THSD7B: variants seen among roughly 807,000 people sequenced by gnomAD.
THSD7B encodes thrombospondin type 1 domain containing 7B, also known as thrombospondin type-1 domain-containing protein 7B.
In THSD7B, 138 loss-of-function variants were observed where a neutral mutation model predicts 213.6. The observed-to-expected ratio is 0.65, with a 90% CI of 0.56 to 0.74. The LOEUF is 0.74. Among genes scored for constraint, THSD7B ranks in the 30% least tolerant of loss-of-function variants. THSD7B has a pLI of 0.00. For missense variants in THSD7B, 1,931 were observed against 1,991.5 expected, an observed-to-expected ratio of 0.97 and a Z score of 0.58; for synonymous variants, 742 against 687.0, an observed-to-expected ratio of 1.08 and a Z score of -1.25.
chr2:137,290,342 G>A (rs1238224409), intron 12 of THSD7B, among the ~76,000 whole-genome samples: 1 of 152,000 alleles, frequency 6.6e-6, no homozygotes, highest in Admixed American at 6.5e-5. Context: ...GTCCGCCTGG[G>A]CCTCCCAAAG....
chr2:137,402,871 T>C (rs75855343), intron 12 of THSD7B, among the ~76,000 whole-genome samples: 7,886 of 151,896 alleles, frequency 0.052, 620 homozygotes, highest in African/African-American at 0.17. Flanking sequence ...TTGAAAGTAT[T>C]TAAAATGTGT....
chr2:137,186,268 C>T (rs766485551), intron 7 of THSD7B, among the ~76,000 whole-genome samples: 1 of 152,062 alleles, frequency 6.6e-6, no homozygotes, highest in Non-Finnish European at 1.5e-5. Context: ...GTTTTTGTTG[C>T]AATTGCTTTT....
chr2:137,247,969 G>A (rs945117109), intron 10 of THSD7B, among the ~76,000 whole-genome samples: 2 of 152,048 alleles, frequency 1.3e-5, no homozygotes, highest in African/African-American at 4.8e-5. Flanking sequence ...ACAGTGCCAG[G>A]TATATAGAAA....
chr2:137,267,627 G>A (rs1481263340), intron 10 of THSD7B, among the ~76,000 whole-genome samples: 1 of 149,896 alleles, frequency 6.7e-6, no homozygotes, highest in Non-Finnish European at 1.5e-5. Context: ...AGTGATTTTT[G>A]GGAAATTATT....
At chr2:137,412,573 G>A (rs575066778) in intron 14 of THSD7B, among the ~76,000 whole-genome samples, 1 of 134,468 alleles carries the variant, frequency 7.4e-6, no homozygotes, top group Non-Finnish European at 1.5e-5. Flanking sequence ...CTCTTTCCTG[G>A]GCAACGAGAG....
chr2:137,303,666 A>G (rs1042093814), intron 12 of THSD7B, among the ~76,000 whole-genome samples: 5 of 126,890 alleles, frequency 3.9e-5, no homozygotes, highest in African/African-American at 1.5e-4. Flanking sequence ...TCGTGTTTAT[A>G]TATATTAATA....
At chr2:137,268,654 C>A (rs774845619) in intron 10 of THSD7B, among the ~76,000 whole-genome samples, 17 of 152,066 alleles carry the variant, frequency 1.1e-4, no homozygotes, top group Non-Finnish European at 1.9e-4. Flanking sequence ...TAGCTGGCTT[C>A]TTTACTGCAG....
At chr2:137,564,759 G>T (rs900156004) in intron 16 of THSD7B, among the ~76,000 whole-genome samples, 2 of 152,020 alleles carry the variant, frequency 1.3e-5, no homozygotes, top group African/African-American at 2.4e-5. Context: ...GAACAAGAAG[G>T]CCTTTCAGTC....
chr2:137,221,168 T>G (rs1246796277), intron 7 of THSD7B, among the ~76,000 whole-genome samples: 1 of 152,082 alleles, frequency 6.6e-6, no homozygotes, highest in Non-Finnish European at 1.5e-5. Context: ...GCACCTGTAG[T>G]CCCAGCTATT....
At chr2:137,452,142 C>A in intron 15 of THSD7B, 1 of 448,484 alleles carries the variant, frequency 2.2e-6, no homozygotes, top group Non-Finnish European at 3.0e-6. Flanking sequence ...AAAAAAAATT[C>A]AACAAGATAT....
At chr2:137,365,434 T>C (rs1021228038) in intron 12 of THSD7B, among the ~76,000 whole-genome samples, 6 of 152,114 alleles carry the variant, frequency 3.9e-5, no homozygotes, top group Admixed American at 3.9e-4. Context: ...CAAAAGAAAC[T>C]ACCATCAGAG....
At chr2:137,214,051 T>A (rs902368286) in intron 7 of THSD7B, among the ~76,000 whole-genome samples, 1 of 152,130 alleles carries the variant, frequency 6.6e-6, no homozygotes, top group African/African-American at 2.4e-5. Context: ...CTGAGATTGA[T>A]TTTTCATGCC....
intron 7 of THSD7B, among the ~76,000 whole-genome samples, chr2:137,189,088 C>T (rs757556540): frequency 6.6e-6 from 1 of 152,256 alleles, no homozygotes; most frequent in South Asian, 2.1e-4. Flanking sequence ...TGGCCACATT[C>T]TCTTCTCTGG....
chr2:137,462,251 A>T (rs993133284), intron 15 of THSD7B, among the ~76,000 whole-genome samples: 1 of 152,036 alleles, frequency 6.6e-6, no homozygotes, highest in African/African-American at 2.4e-5. Context: ...CCTCTTGGTT[A>T]TCAGATTGAG....
chr2:136,998,904 C>G (rs1266609642), intron 2 of THSD7B, among the ~76,000 whole-genome samples: 4 of 108,878 alleles, frequency 3.7e-5, no homozygotes, highest in Non-Finnish European at 5.3e-5. Flanking sequence ...CTTGAATACC[C>G]AACAGACACA....
chr2:137,249,324 A>T (rs550312626), intron 10 of THSD7B, among the ~76,000 whole-genome samples: 10 of 149,588 alleles, frequency 6.7e-5, no homozygotes, highest in South Asian at 6.4e-4. Context: ...GATTTGGTTT[A>T]AAAAAAAAAT....
intron 12 of THSD7B, among the ~76,000 whole-genome samples, chr2:137,329,402 G>A (rs577216336): frequency 6.6e-6 from 1 of 152,294 alleles, no homozygotes; most frequent in South Asian, 2.1e-4. Flanking sequence ...GTCTCGCACT[G>A]TTGCCTGGAG....
rs144200057 is a variant in THSD7B at position 137,524,149 on chromosome 2, G to A, written c.3139-39072G>A. Among the ~76,000 whole-genome samples the A allele has an allele frequency of 8.1e-3, 1,237 of 152,186 alleles. 10 individuals are homozygous for A. Among genetic ancestry groups the A allele is most frequent in the Non-Finnish European group, 0.012 (819 of 68,010 alleles). ...TGTAGCCTGTCAAAATGTCAAAAGGGTTGGCATCAAGACCTCATTTTAAAT... is the reference window on the plus strand; with the variant it reads ...TGTAGCCTGTCAAAATGTCAAAAGGATTGGCATCAAGACCTCATTTTAAAT... On this transcript the variant is annotated intron_variant, in intron 15 of 27. Coordinates refer to ENST00000409968, the MANE Select transcript of THSD7B (RefSeq NM_001316349.2).
intron 2 of THSD7B, among the ~76,000 whole-genome samples, chr2:136,928,745 A>G (rs996735971): frequency 6.6e-6 from 1 of 152,214 alleles, no homozygotes; most frequent in Non-Finnish European, 1.5e-5. Context: ...TACAACAAAT[A>G]TTTAACAGAA....
Sources: allele counts gnomAD v4.1 joint callset (sites outside exome capture counted in the v4.1 genomes callset), GRCh38; gene constraint gnomAD v4.1.1; transcripts MANE v1.5; gene names NCBI Gene and HGNC (gene_info 2026-07-23, HGNC 2026-07-21).